The following GLT8D1 variants were observed in gnomAD, a reference collection of about 807,000 sequenced individuals.
GLT8D1 encodes the protein glycosyltransferase 8 domain-containing protein 1.
GLT8D1 carries 41 observed loss-of-function variants against 46.2 expected under a neutral mutation model. The ratio of observed to expected loss-of-function variants is 0.89; its 90% CI spans 0.69 to 1.15. GLT8D1 has a LOEUF of 1.15. Among genes scored for constraint, GLT8D1 ranks in the 50% most tolerant of loss-of-function variants. The probability of loss-of-function intolerance (pLI) is 0.00; values close to 1 mark genes in which losing one functional copy is unlikely to be tolerated. For missense variants in GLT8D1, 408 were observed against 449.3 expected, an observed-to-expected ratio of 0.91 and a Z score of 0.83; for synonymous variants, 150 against 154.2, an observed-to-expected ratio of 0.97 and a Z score of 0.20.
In GLT8D1 at chr3:52,695,583, T is replaced by C. The variant is rs1168961990; in HGVS notation, c.650A>G (p.Asn217Ser). ...VVIRGAGNQY[N>S]YIGYLDYKKE... ...TTTATAGTCAAGATAGCCAATGTAA[T>C]TGTACTAAAAACACAAATAGGATAT... is the stretch of plus-strand genomic sequence containing the variant. Residue 217 changes from asparagine (N) to serine (S), a missense_variant, in exon 8 of 10, where the codon AAT becomes AGT. By Grantham distance (46) the Asn-to-Ser change is conservative. Transcript: ENST00000266014. The C allele has an allele frequency of 6.3e-7, 1 of 1,588,944 alleles. No individual in the cohort carries two copies. The highest frequency in any genetic ancestry group is 8.6e-7 in the Non-Finnish European group (1 of 1,157,844).
chr3:52,698,730 T>TA lies in GLT8D1; in HGVS notation c.116-797dup, dbSNP rs1355344426. Among the ~76,000 whole-genome samples, 4 of 151,026 alleles carry TA rather than the reference T, an allele frequency of 2.6e-5. No homozygotes were observed. The East Asian group carries it at 7.7e-4, about 29-fold the overall frequency. On this transcript the variant is annotated intron_variant, in intron 3 of 9. Transcript: ENST00000266014. ...TTAGAATACCAAAGAAAACATAGTGTATCACACAAGGAAACTGCAATTACT... is the reference window on the plus strand; with the variant it reads ...TTAGAATACCAAAGAAAACATAGTGTAATCACACAAGGAAACTGCAATTACT...
intron 5 of GLT8D1, 41 bp downstream of exon 5, chr3:52,696,501 C>T (rs759251524): frequency 8.7e-7 from 1 of 1,143,848 alleles, no homozygotes; most frequent in South Asian, 1.2e-5. Flanking sequence ...TCCATTATTT[C>T]CTAATACTGC....
intron 7 of GLT8D1, 153 bp downstream of exon 7, chr3:52,695,775 T>C: frequency 1.6e-6 from 1 of 640,966 alleles, no homozygotes. Context: ...AATTAGGCTG[T>C]CAAGTCCATG....
rs1270060172 is a variant in GLT8D1, at chr3:52,701,363, GT to G, written c.-36-868del. 3 of 145,044 alleles carry G rather than the reference GT, an allele frequency of 2.1e-5. No homozygotes were observed. In the East Asian group the frequency reaches 6.2e-4, roughly 30 times the overall value. 9.0% of individuals were successfully genotyped at this position (145,044 alleles called of 1,614,324 possible). ...TTGTAACTAGCAAAAAAAAAAAAAGGTTTATTTTAGTTTATTATTTTTTGAA... is the reference window on the plus strand; with the variant it reads ...TTGTAACTAGCAAAAAAAAAAAAAGGTTATTTTAGTTTATTATTTTTTGAA... On this transcript the variant is annotated intron_variant, in intron 1 of 9. Coordinates refer to ENST00000266014, the MANE Select transcript of GLT8D1 (RefSeq NM_018446.4).
rs373858260 is a variant in GLT8D1 at position 52,697,852 on chromosome 3, A to G, written c.198T>C (p.Ile66=). Residue 66 remains isoleucine (I), a synonymous_variant, in exon 4 of 10, where the codon ATT becomes ATC. Coordinates refer to ENST00000266014, the MANE Select transcript of GLT8D1 (RefSeq NM_018446.4). ...CTTCAGATGCAGCGATGACCACAGG[A>G]ATCTCCTCTTGTCTCCCATCTACTG... ...RHAVDGRQEE[I]PVVIAASEDR... is the part of the protein sequence containing the mutation. The G allele has an allele frequency of 8.7e-6, 14 of 1,613,736 alleles. No homozygotes were observed. Among genetic ancestry groups the G allele is most frequent in the African/African-American group, 1.3e-5 (1 of 75,040 alleles).
In GLT8D1 at chr3:52,705,756, G is replaced by T; in HGVS notation, c.-346C>A. 1 of 1,042,338 alleles carries T rather than the reference G, an allele frequency of 9.6e-7. No individual in the cohort carries two copies. The highest frequency in any genetic ancestry group is 1.2e-6 in the Non-Finnish European group (1 of 812,128). 64.6% of individuals were successfully genotyped at this position (1,042,338 alleles called of 1,614,324 possible). A position where few individuals can be genotyped will look rare whatever the true frequency, so the allele number is the denominator to read the frequency against. ...CCACTACGCCCAGCCAGCCCGCAGC[G>T]GTAACCGCTAGAGCGTCGCGCCAAG... On this transcript the variant is annotated 5_prime_UTR_variant, in exon 1 of 10. Coordinates refer to ENST00000266014, the MANE Select transcript of GLT8D1 (RefSeq NM_018446.4).
Position 52,694,944 on chromosome 3 carries a change from A to C in GLT8D1, c.1017T>G (p.Thr339=). Residue 339 remains threonine (T), a synonymous_variant, in exon 10 of 10, where the codon ACT becomes ACG. Coordinates refer to ENST00000266014, the MANE Select transcript of GLT8D1 (RefSeq NM_018446.4). The part of the protein sequence containing the change: ...WNGHLKPWGR[T]ASYTDVWEKW... ...TTTCCCAAACATCAGTATATGAAGC[A>C]GTCCTTCCCCATGGCTTCAAATGTC... 6.2e-7 allele frequency: 1 copy of C among 1,608,560 alleles called. No homozygotes were observed. Among genetic ancestry groups the C allele is most frequent in the Non-Finnish European group, 8.5e-7 (1 of 1,174,856 alleles).
chr3:52,696,528 T>C lies in GLT8D1; in HGVS notation c.447+14A>G. 2 of 1,289,948 alleles carry C rather than the reference T, an allele frequency of 1.6e-6. No individual in the cohort carries two copies. The highest frequency in any genetic ancestry group is 2.3e-6 in the Non-Finnish European group (2 of 884,378). 79.9% of individuals were successfully genotyped at this position (1,289,948 alleles called of 1,614,324 possible). ...TAATACTGCCAAGTGCAAAGAAGGA[T>C]GCATGGAACTCACAGGTTTCATGGA... On this transcript the variant is annotated intron_variant, in intron 5 of 9. Coordinates refer to ENST00000266014, the MANE Select transcript of GLT8D1 (RefSeq NM_018446.4).
At chr3:52,696,930 A>ATCTACAGACTGACTTCTTAATTC (rs1553912140) in intron 4 of GLT8D1, among the ~76,000 whole-genome samples, 3 of 150,006 alleles carry the variant, frequency 2.0e-5, no homozygotes, top group African/African-American at 7.4e-5. Context: ...TCCAACTCTT[A>ATCTACAGACTGACTTCTTAATTC]ACTGTGGTGA....
At chr3:52,698,339 G>C (rs2097336085) in intron 3 of GLT8D1, among the ~76,000 whole-genome samples, 1 of 152,202 alleles carries the variant, frequency 6.6e-6, no homozygotes, top group African/African-American at 2.4e-5. Context: ...AACCAATTGA[G>C]TGAGTCACAA....
intron 5 of GLT8D1, 67 bp from the exon 6 acceptor site, chr3:52,696,385 C>G (rs1208352652): frequency 8.4e-7 from 1 of 1,185,374 alleles, no homozygotes; most frequent in Non-Finnish European, 1.3e-6. Flanking sequence ...CACAGAAACT[C>G]CTAGGATGCT....
intron 4 of GLT8D1, 143 bp from the exon 5 acceptor site, chr3:52,696,802 AG>A (rs1323789458): frequency 1.7e-6 from 1 of 600,992 alleles, no homozygotes; most frequent in Non-Finnish European, 3.0e-6. Context: ...GTCTGAAGTG[AG>A]GGTAATTCCC....
chr3:52,695,649 G>T, intron 7 of GLT8D1, 62 bp from the exon 8 acceptor site: 1 of 983,850 alleles, frequency 1.0e-6, no homozygotes, highest in Non-Finnish European at 1.6e-6. Flanking sequence ...CAATTTTATA[G>T]CCAGTAGAGA....
chr3:52,695,113 A>T, intron 9 of GLT8D1, 77 bp downstream of exon 9: 1 of 1,426,636 alleles, frequency 7.0e-7, no homozygotes, highest in East Asian at 2.3e-5. Context: ...GGAAACAAAG[A>T]ATATACCCCA....
Position 52,695,216 on chromosome 3 carries a change from T to G in GLT8D1, c.899A>C (p.Asp300Ala), listed in dbSNP as rs1195722664. The part of the protein sequence containing the change: ...IVFYQQHSTI[D>A]PMWNVRHLGS... ...AAGGTGGCGGACATTCCACATAGGA[T>G]CGATGGTAGAGTGCTGTTGATAAAA... Residue 300 changes from aspartate to alanine, a missense_variant, in exon 9 of 10, where the codon GAT becomes GCT. Asp to Ala is a moderately radical substitution (Grantham distance 126). Coordinates refer to ENST00000266014, the MANE Select transcript of GLT8D1 (RefSeq NM_018446.4). 1 of 1,613,430 alleles carries G rather than the reference T, an allele frequency of 6.2e-7. No homozygotes were observed. Among genetic ancestry groups the G allele is most frequent in the East Asian group, 2.2e-5 (1 of 44,882 alleles).
At chr3:52,700,527 G>T in intron 1 of GLT8D1, 31 bp from the exon 2 acceptor site, 1 of 1,052,230 alleles carries the variant, frequency 9.5e-7, no homozygotes, top group Non-Finnish European at 1.4e-6. Flanking sequence ...CCCAAAGTCA[G>T]TAAGCACATG....
intron 1 of GLT8D1, among the ~76,000 whole-genome samples, chr3:52,702,322 G>C (rs1473084675): frequency 6.6e-6 from 1 of 152,162 alleles, no homozygotes; most frequent in Non-Finnish European, 1.5e-5. Flanking sequence ...AACGCGGGCA[G>C]ATCACCTGAG....
intron 3 of GLT8D1, among the ~76,000 whole-genome samples, chr3:52,698,570 A>T (rs894546164): frequency 3.1e-4 from 47 of 152,086 alleles, no homozygotes; most frequent in African/African-American, 9.7e-4. Flanking sequence ...AATCCCAGCT[A>T]CTTGGGAGAC....
intron 3 of GLT8D1, 25 bp from the exon 4 acceptor site, chr3:52,697,959 G>A (rs2097335610): frequency 1.4e-6 from 2 of 1,406,388 alleles, no homozygotes; most frequent in Non-Finnish European, 2.0e-6. Context: ...AAGGCACTGT[G>A]ATTACAATCT....
Sources: gnomAD v4.1 joint callset for allele counts (sites outside exome capture counted in the v4.1 genomes callset) on GRCh38, gnomAD v4.1.1 for gene constraint, MANE v1.5 for transcripts, NCBI Gene and HGNC (gene_info 2026-07-23, HGNC 2026-07-21) for gene names.